FAM222B: variants seen among roughly 807,000 people sequenced by gnomAD.
The protein encoded by FAM222B is family with sequence similarity 222 member B, also known as protein FAM222B.
A neutral mutation model predicts 38.0 loss-of-function variants in FAM222B; 12 were observed. That is an observed-to-expected ratio of 0.32 (90% CI 0.20 to 0.51). FAM222B has a LOEUF of 0.51. FAM222B is among the 20% of genes least tolerant of loss of function. FAM222B has a pLI of 0.97. For synonymous variants in FAM222B, 329 were observed against 317.2 expected, an observed-to-expected ratio of 1.04 and a Z score of -0.40; for missense variants, 716 against 754.2, an observed-to-expected ratio of 0.95 and a Z score of 0.59.
chr17:28,779,319 AAGAAGC>A (rs1167412563), intron 1 of FAM222B, among the ~76,000 whole-genome samples: 4 of 152,196 alleles, frequency 2.6e-5, no homozygotes, highest in Non-Finnish European at 5.9e-5. Flanking sequence ...AGCCCATTAA[AAGAAGC>A]ATTCACCATG....
chr17:28,769,720 A>ACCTCACCTTCTGACCTACCCTGC (rs2035531191), intron 1 of FAM222B, among the ~76,000 whole-genome samples: 1 of 152,066 alleles, frequency 6.6e-6, no homozygotes, highest in Admixed American at 6.6e-5. Context: ...TGGTTCTCTG[A>ACCTCACCTTCTGACCTACCCTGC]CCTCACCTTC....
chr17:28,798,983 TTTC>T (rs2037080716), intron 1 of FAM222B, among the ~76,000 whole-genome samples: 1 of 151,148 alleles, frequency 6.6e-6, no homozygotes, highest in Non-Finnish European at 1.5e-5. Flanking sequence ...TTGTTTTTTT[TTTC>T]TTTTTTTGGG....
chr17:28,848,602 T>TA (rs1401458826), intron 1 of FAM222B, among the ~76,000 whole-genome samples: 7 of 151,336 alleles, frequency 4.6e-5, no homozygotes, highest in East Asian at 3.9e-4. Context: ...CTACTAAAAA[T>TA]AAAAAAATTA....
intron 1 of FAM222B, among the ~76,000 whole-genome samples, chr17:28,797,051 A>C (rs2036976802): frequency 7.7e-6 from 1 of 129,158 alleles, no homozygotes; most frequent in Non-Finnish European, 1.5e-5. Flanking sequence ...CACCCAGGCT[A>C]GAGTACAATG....
rs1032860010 is a variant in FAM222B at position 28,803,083 on chromosome 17, A to G, written c.-40-36376T>C. ...GAGTACAGTGGTGCAATCTCGGCTCACTGCAACCTCCACCTCCCAAGTTCA... is the reference window on the plus strand; with the variant it reads ...GAGTACAGTGGTGCAATCTCGGCTCGCTGCAACCTCCACCTCCCAAGTTCA... On this transcript the variant is annotated intron_variant, in intron 1 of 2. Transcript: ENST00000581407. Among the ~76,000 whole-genome samples the G allele has an allele frequency of 2.6e-5, 4 of 151,890 alleles. No individual in the cohort carries two copies. The East Asian group carries it at 7.7e-4, about 29-fold the overall frequency.
At chr17:28,833,382 C>T (rs1439990724) in intron 1 of FAM222B, among the ~76,000 whole-genome samples, 9 of 151,114 alleles carry the variant, frequency 6.0e-5, no homozygotes, top group Admixed American at 4.0e-4. Context: ...TTTGGGAGGC[C>T]GAAGCAGGTG....
At chr17:28,801,788 C>G (rs998624901) in intron 1 of FAM222B, among the ~76,000 whole-genome samples, 3 of 151,914 alleles carry the variant, frequency 2.0e-5, no homozygotes, top group African/African-American at 7.3e-5. Flanking sequence ...TAGATTAAGT[C>G]CTATCCTTTA....
intron 2 of FAM222B, among the ~76,000 whole-genome samples, chr17:28,764,271 C>CAA (rs35314377): frequency 0.013 from 561 of 42,218 alleles, 5 homozygotes; most frequent in East Asian, 0.027. Flanking sequence ...GACTCCATCT[C>CAA]AAAAAAAAAA....
Position 28,758,273 on chromosome 17 carries a change from TC to T in FAM222B, c.1685del (p.Arg562AsnfsTer3). 1.3e-6 allele frequency: 2 copies of T among 1,576,932 alleles called. No individual in the cohort carries two copies. Among genetic ancestry groups the T allele is most frequent in the Non-Finnish European group, 1.7e-6 (2 of 1,161,884 alleles). On this transcript the variant is annotated frameshift_variant, in exon 3 of 3. Transcript: ENST00000581407. LOFTEE classifies it high-confidence loss of function. ...ACGTGGAGGGCAGCAGGGCTACCTA[TC>T]TATACCCTGGGTGCTGAATATGAAG... ...RSLHIQHPGY[R>X]
Position 28,759,140 on chromosome 17 carries a change from G to A in FAM222B, c.819C>T (p.Asn273=), listed in dbSNP as rs1217851028. The A allele has an allele frequency of 5.0e-6, 8 of 1,612,448 alleles. No homozygotes were observed. Among genetic ancestry groups the A allele is most frequent in the Non-Finnish European group, 6.8e-6 (8 of 1,179,280 alleles). ...TGCCTGCCCTCGTCTGGCAAAACTGGTTGATCTGGTGCACGATGCTACTCA... is the reference window on the plus strand; with the variant it reads ...TGCCTGCCCTCGTCTGGCAAAACTGATTGATCTGGTGCACGATGCTACTCA... ...PDLSSIVHQI[N]QFCQTRAGIS... Residue 273 remains asparagine, a synonymous_variant, in exon 3 of 3, where the codon AAC becomes AAT. Transcript: ENST00000581407. The surrounding 1 kb of genome is among the most constrained non-coding windows in gnomAD (Gnocchi z 4.8).
At chr17:28,789,505 T>C (rs955117093) in intron 1 of FAM222B, among the ~76,000 whole-genome samples, 2 of 152,188 alleles carry the variant, frequency 1.3e-5, no homozygotes, top group African/African-American at 4.8e-5. Context: ...CTGTCCTCTT[T>C]AATTTCTTCT....
chr17:28,851,892 A>C (rs1427449640), intron 1 of FAM222B, among the ~76,000 whole-genome samples: 1 of 150,226 alleles, frequency 6.7e-6, no homozygotes, highest in Non-Finnish European at 1.5e-5. Flanking sequence ...AAAAAAAACC[A>C]AAAACAGAAA....
At chr17:28,805,865 G>T (rs934319239) in intron 1 of FAM222B, among the ~76,000 whole-genome samples, 32 of 152,124 alleles carry the variant, frequency 2.1e-4, no homozygotes, top group African/African-American at 7.7e-4. Flanking sequence ...CTTGAGGCAG[G>T]GCACGGTGGG....
intron 1 of FAM222B, among the ~76,000 whole-genome samples, chr17:28,785,057 T>C (rs899842599): frequency 5.9e-5 from 9 of 152,118 alleles, no homozygotes; most frequent in African/African-American, 1.9e-4. Context: ...TGCCCAGCCT[T>C]AATTTGAAAT....
At chr17:28,769,373 G>A (rs1187605919) in intron 1 of FAM222B, among the ~76,000 whole-genome samples, 2 of 151,882 alleles carry the variant, frequency 1.3e-5, no homozygotes, top group South Asian at 2.1e-4. Context: ...AGTAGAGATG[G>A]GGTTTCACAG....
At chr17:28,814,488 G>A (rs1463719202) in intron 1 of FAM222B, among the ~76,000 whole-genome samples, 12 of 152,040 alleles carry the variant, frequency 7.9e-5, no homozygotes, top group Admixed American at 2.0e-4. Context: ...ACGGAGTTTC[G>A]CTCTGTTTCC....
At chr17:28,807,078 C>G (rs2037528446) in intron 1 of FAM222B, among the ~76,000 whole-genome samples, 1 of 151,522 alleles carries the variant, frequency 6.6e-6, no homozygotes, top group Non-Finnish European at 1.5e-5. Flanking sequence ...TGCAATGGCA[C>G]AATCTCGGCT....
Position 28,758,803 on chromosome 17 carries a change from G to T in FAM222B, c.1156C>A (p.Pro386Thr). The stretch of plus-strand genomic sequence containing the variant: ...GCCGCATGCTTGCCTGTCAGGCCAG[G>T]GGCTGGCGTCCCACTAGCCTCGCTG... ...MCSEASGTPA[P>T]GLTGKHAAGR... Residue 386 changes from proline to threonine, a missense_variant, in exon 3 of 3, where the codon CCT (proline) becomes ACT (threonine). Coordinates refer to ENST00000581407, the MANE Select transcript of FAM222B (RefSeq NM_001077498.3). 6.3e-7 allele frequency: 1 copy of T among 1,580,028 alleles called. No individual in the cohort carries two copies. Among genetic ancestry groups the T allele is most frequent in the South Asian group, 1.1e-5 (1 of 87,000 alleles).
In FAM222B at chr17:28,840,250, G is replaced by C. The variant is rs533027028; in HGVS notation, c.-41+2432C>G. Among the ~76,000 whole-genome samples the C allele has an allele frequency of 2.0e-5, 3 of 151,978 alleles. No homozygotes were observed. The South Asian group carries it at 6.3e-4, about 32-fold the overall frequency. On this transcript the variant is annotated intron_variant, in intron 1 of 2. Coordinates refer to ENST00000581407, the MANE Select transcript of FAM222B (RefSeq NM_001077498.3). ...GGCATGGTGGTGGGTGCCTGTAATC[G>C]CAACTACTTGGAGGCTGAGGCAGGA...
Sources: allele counts gnomAD v4.1 joint callset (sites outside exome capture counted in the v4.1 genomes callset), GRCh38; gene constraint gnomAD v4.1.1; non-coding constraint Gnocchi (gnomAD v3.1); transcripts MANE v1.5; gene names NCBI Gene and HGNC (gene_info 2026-07-23, HGNC 2026-07-21).